NPHP4: variants seen among roughly 807,000 people sequenced by gnomAD.
The protein encoded by NPHP4 is nephrocystin 4.
In NPHP4, 151 loss-of-function variants were observed where a neutral mutation model predicts 155.8. The ratio of observed to expected loss-of-function variants is 0.97; its 90% confidence interval spans 0.85 to 1.11. The LOEUF (loss-of-function observed/expected upper bound fraction) is 1.11. Among genes scored for constraint, NPHP4 ranks in the 50% least tolerant of loss-of-function variants. The probability of loss-of-function intolerance (pLI) is 0.00; values close to 1 mark genes in which losing one functional copy is unlikely to be tolerated. For missense variants in NPHP4, 1,956 were observed against 1,925.7 expected, an observed-to-expected ratio of 1.02 and a Z score of -0.29; for synonymous variants, 845 against 816.8, an observed-to-expected ratio of 1.03 and a Z score of -0.59.
At chr1:5,879,358 T>C (rs1642968888) in intron 19 of NPHP4, 2 of 356,396 alleles carry the variant, frequency 5.6e-6, no homozygotes, top group African/African-American at 2.1e-5. Context: ...TTTAAGGGGA[T>C]AGAAAAACTT....
chr1:5,978,266 C>T lies in NPHP4; in HGVS notation c.279+4G>A. ...CAGCCCCTGCCACCATCACCAGGGC[C>T]CACCTCATTAAAGACGATCCTGGAC... On this transcript the variant is annotated splice_donor_region_variant and intron_variant, in intron 3 of 29. Transcript: ENST00000378156. 1.2e-6 allele frequency: 2 copies of T among 1,603,520 alleles called. No homozygotes were observed. The highest frequency in any genetic ancestry group is 1.7e-6 in the Non-Finnish European group (2 of 1,175,434).
Position 5,873,270 on chromosome 1 carries a change from C to T in NPHP4, c.3297G>A (p.Val1099=). 1 of 1,613,890 alleles carries T rather than the reference C, an allele frequency of 6.2e-7. No homozygotes were observed. The highest frequency in any genetic ancestry group is 8.5e-7 in the Non-Finnish European group (1 of 1,179,772). ...CCTTTACCTTGGCGTGTTTAGTGGG[C>T]ACTGCGCTGGACTTCCAAGGTGACA... ...DAVSPWKSSA[V]PTKHAKVLFR... The change falls in exon 23 of 30, where the codon GTG becomes GTA. Residue 1099 remains valine (V), a synonymous_variant. Coordinates refer to ENST00000378156, the MANE Select transcript of NPHP4 (RefSeq NM_015102.5).
chr1:5,911,687 A>G (rs940298088), intron 11 of NPHP4, among the ~76,000 whole-genome samples: 1 of 152,132 alleles, frequency 6.6e-6, no homozygotes, highest in Non-Finnish European at 1.5e-5. Flanking sequence ...TTAAAAAGAT[A>G]CCTGGTGGGA....
At chr1:5,932,830 T>C (rs1646345272) in intron 10 of NPHP4, among the ~76,000 whole-genome samples, 1 of 152,140 alleles carries the variant, frequency 6.6e-6, no homozygotes, top group South Asian at 2.1e-4. Flanking sequence ...AAAGGCCACA[T>C]GAGGCCCAAG....
chr1:5,877,098 C>G lies in NPHP4; in HGVS notation c.2812G>C (p.Val938Leu), dbSNP rs184961418. 9.6e-6 allele frequency: 15 copies of G among 1,563,442 alleles called. No homozygotes were observed. Among genetic ancestry groups the G allele is most frequent in the Non-Finnish European group, 1.3e-5 (15 of 1,145,536 alleles). Reference protein sequence around the residue: ...GGDLGRRGTSVLAQQSVRTQH... With the variant: ...GGDLGRRGTSLLAQQSVRTQH... ...ACAGCTGAACAAACCCTTACCAACA[C>G]GCTCGTCCCGCGCCGGCCCAAGTCT... is the stretch of plus-strand genomic sequence containing the variant. The change falls in exon 20 of 30, where the codon GTG becomes CTG. Residue 938 changes from valine (V) to leucine (L), a missense_variant. Transcript: ENST00000378156.
In NPHP4 at chr1:5,864,363, C is replaced by G. The variant is rs1371346310; in HGVS notation, c.3971G>C (p.Cys1324Ser). The G allele has an allele frequency of 7.5e-6, 12 of 1,608,574 alleles. No individual in the cohort carries two copies. Among genetic ancestry groups the G allele is most frequent in the South Asian group, 1.1e-5 (1 of 90,682 alleles). ...CTTGGAGATGAGCGGCTGGCGGCAG[C>G]AGAGGCACACGAGCCAGGAGGCCAC... ...QLVASWLVCL[C>S]CRQPLISKAF... The change falls in exon 28 of 30, where the codon TGC (cysteine) becomes TCC (serine). Residue 1324 changes from cysteine to serine, a missense_variant. Cys to Ser is a moderately radical substitution (Grantham distance 112). Coordinates refer to ENST00000378156, the MANE Select transcript of NPHP4 (RefSeq NM_015102.5).
chr1:5,884,255 C>T (rs1279147725), intron 18 of NPHP4, among the ~76,000 whole-genome samples: 1 of 152,136 alleles, frequency 6.6e-6, no homozygotes, highest in Non-Finnish European at 1.5e-5. Context: ...GACCAAAGCC[C>T]GCCACCGCCA....
rs367636423 is a variant in NPHP4, at chr1:5,863,931, C to G, written c.4099G>C (p.Asp1367His). ...PSRRTFHLHSDHPELLRFRED... is the reference protein window; with the variant it reads ...PSRRTFHLHSHHPELLRFRED... ...CTGAACCGCAGCAGCTCCGGGTGGT[C>G]GCTGTGCAGGTGGAATGTCCTCCGG... The change falls in exon 29 of 30, where the codon GAC becomes CAC. Residue 1367 changes from aspartate (D) to histidine (H), a missense_variant. Physicochemically the swap from Asp to His is moderately conservative, Grantham distance 81 (BLOSUM62 -1). Transcript: ENST00000378156. 2 of 1,613,884 alleles carry G rather than the reference C, an allele frequency of 1.2e-6. No homozygotes were observed. The highest frequency in any genetic ancestry group is 1.7e-6 in the Non-Finnish European group (2 of 1,179,862).
At chr1:5,887,744 G>A (rs1271157645) in intron 17 of NPHP4, among the ~76,000 whole-genome samples, 1 of 152,254 alleles carries the variant, frequency 6.6e-6, no homozygotes, top group Non-Finnish European at 1.5e-5. Flanking sequence ...ACTGGGCCCT[G>A]GGAAGGCATA....
chr1:5,920,082 C>T (rs950871093), intron 11 of NPHP4, among the ~76,000 whole-genome samples: 47 of 152,180 alleles, frequency 3.1e-4, no homozygotes, highest in Non-Finnish European at 6.2e-4. Context: ...CAGGCGCGTG[C>T]CACCACGCCA....
chr1:5,876,223 G>T (rs984922034), intron 20 of NPHP4: 1 of 152,146 alleles, frequency 6.6e-6, no homozygotes, highest in Non-Finnish European at 1.5e-5. Context: ...CCTGCCAGCT[G>T]GGAGGGAGGG....
intron 2 of NPHP4, among the ~76,000 whole-genome samples, chr1:5,982,654 A>C (rs931777780): frequency 5.3e-5 from 8 of 152,328 alleles, no homozygotes; most frequent in African/African-American, 1.9e-4. Flanking sequence ...CACTGATTTT[A>C]TACCTTCTTC....
chr1:5,899,764 A>G (rs1201067492), intron 16 of NPHP4, among the ~76,000 whole-genome samples: 1 of 152,246 alleles, frequency 6.6e-6, no homozygotes, highest in Non-Finnish European at 1.5e-5. Context: ...CCTGGACTTC[A>G]CTAAAATGAA....
rs376773394 is a variant in NPHP4, at chr1:5,875,037, G to T, written c.2881C>A (p.Arg961Ser). The stretch of plus-strand genomic sequence containing the variant: ...CTGGCGATGCTCTCGGCCTTCGTGC[G>T]TTCCCGGTAGGCGGCGATGACCTGT... ...DLQVIAAYRE[R>S]TKAESIASLL... is the part of the protein sequence containing the mutation. The change falls in exon 21 of 30, where the codon CGC (arginine) becomes AGC (serine). Residue 961 changes from arginine to serine, a missense_variant. Arg to Ser is a moderately radical substitution (Grantham distance 110). Coordinates refer to ENST00000378156, the MANE Select transcript of NPHP4 (RefSeq NM_015102.5). The T allele has an allele frequency of 3.7e-6, 6 of 1,609,288 alleles. No homozygotes were observed. The highest frequency in any genetic ancestry group is 5.1e-6 in the Non-Finnish European group (6 of 1,179,826).
intron 9 of NPHP4, among the ~76,000 whole-genome samples, chr1:5,945,851 CT>C (rs745928377): frequency 3.9e-5 from 6 of 152,166 alleles, no homozygotes; most frequent in Non-Finnish European, 8.8e-5. Flanking sequence ...AAAACAATCC[CT>C]AAGTCCTAAA....
intron 11 of NPHP4, among the ~76,000 whole-genome samples, chr1:5,912,719 CA>C (rs1184870243): frequency 6.6e-6 from 1 of 152,148 alleles, no homozygotes; most frequent in African/African-American, 2.4e-5. Flanking sequence ...TTATAAGACA[CA>C]CCTGTAGGTC....
chr1:5,982,253 T>A (rs1403411693), intron 2 of NPHP4, among the ~76,000 whole-genome samples: 1 of 152,204 alleles, frequency 6.6e-6, no homozygotes, highest in Non-Finnish European at 1.5e-5. Flanking sequence ...AGCAACAGAC[T>A]GTATATATGA....
chr1:5,939,816 G>T (rs888181183), intron 9 of NPHP4, among the ~76,000 whole-genome samples: 1 of 152,224 alleles, frequency 6.6e-6, no homozygotes, highest in Admixed American at 6.5e-5. Context: ...TATGAGCTTG[G>T]ATTTAAGGAA....
chr1:5,893,980 C>A (rs1644269013), intron 16 of NPHP4, among the ~76,000 whole-genome samples: 1 of 152,128 alleles, frequency 6.6e-6, no homozygotes, highest in South Asian at 2.1e-4. Context: ...TAGGTTATGA[C>A]CGTAGAGCGA....
Sources: allele counts gnomAD v4.1 joint callset (sites outside exome capture counted in the v4.1 genomes callset), GRCh38; gene constraint gnomAD v4.1.1; transcripts MANE v1.5; gene names NCBI Gene and HGNC (gene_info 2026-07-23, HGNC 2026-07-21).